The following SEMA5A variants were observed in gnomAD, a reference collection of about 807,000 sequenced individuals.
SEMA5A encodes semaphorin-5A.
Under a neutral mutation model 135.5 loss-of-function variants are expected in SEMA5A, and 55 were observed. The observed-to-expected ratio is 0.41, with a 90% CI of 0.33 to 0.51. The LOEUF is 0.51. Ranked by LOEUF, SEMA5A falls within the 20% of genes least tolerant of loss-of-function variation. The pLI is 0.37. For missense variants in SEMA5A, 1,290 were observed against 1,419.9 expected (o/e 0.91, Z 1.47); for synonymous variants, 580 against 546.5 (o/e 1.06, Z -0.85).
intron 12 of SEMA5A, among the ~76,000 whole-genome samples, chr5:9,144,301 G>T (rs1742214108): frequency 6.6e-6 from 1 of 151,978 alleles, no homozygotes; most frequent in African/African-American, 2.4e-5. Flanking sequence ...AGGGTTTAAG[G>T]GTCAACAATT....
Position 9,036,478 on chromosome 5 carries a change from GAGAAAC to G in SEMA5A, c.*6413_*6418del, listed in dbSNP as rs906671442. 5.9e-4 allele frequency: 90 copies of G among 152,292 alleles called. No homozygotes were observed. Among genetic ancestry groups the G allele is most frequent in the African/African-American group, 2.1e-3 (88 of 41,542 alleles). 9.4% of individuals were successfully genotyped at this position (152,292 alleles called of 1,614,324 possible). A position where few individuals can be genotyped will look rare whatever the true frequency, so the allele number is the denominator to read the frequency against. On this transcript the variant is annotated 3_prime_UTR_variant, in exon 23 of 23. Coordinates refer to ENST00000382496, the MANE Select transcript of SEMA5A (RefSeq NM_003966.3). ...TCCTCTATCTATGGACTTGCCTGAA[GAGAAAC>G]AGAAACAAAAACCTCTAACTTCTAT...
chr5:9,221,376 T>C (rs40674), intron 8 of SEMA5A, among the ~76,000 whole-genome samples: 59,319 of 141,778 alleles, frequency 0.42, 13,328 homozygotes, highest in East Asian at 0.54. Context: ...GATCTCGGCT[T>C]ACTGCAAGCT....
At chr5:9,205,622 A>G (rs1468602383) in intron 8 of SEMA5A, among the ~76,000 whole-genome samples, 1 of 152,192 alleles carries the variant, frequency 6.6e-6, no homozygotes, top group East Asian at 1.9e-4. Context: ...ATGTTATAAG[A>G]TCACAACGTC....
chr5:9,369,404 A>G (rs1156393455), intron 3 of SEMA5A, among the ~76,000 whole-genome samples: 2 of 152,200 alleles, frequency 1.3e-5, no homozygotes, highest in African/African-American at 2.4e-5. Context: ...ATTCTAGCTA[A>G]AAAATCTTTC....
At chr5:9,501,384 C>T (rs758026958) in intron 1 of SEMA5A, among the ~76,000 whole-genome samples, 9 of 152,230 alleles carry the variant, frequency 5.9e-5, no homozygotes, top group African/African-American at 9.6e-5. Context: ...TATGTGTCTA[C>T]GTGTGTGTGT....
intron 3 of SEMA5A, among the ~76,000 whole-genome samples, chr5:9,359,194 G>A (rs940535655): frequency 2.6e-5 from 4 of 152,158 alleles, no homozygotes; most frequent in African/African-American, 9.7e-5. Flanking sequence ...CCTGGCCTTT[G>A]CAGTGTAACA....
At chr5:9,488,176 C>T (rs550183736) in intron 1 of SEMA5A, among the ~76,000 whole-genome samples, 58 of 152,222 alleles carry the variant, frequency 3.8e-4, no homozygotes, top group Middle Eastern at 6.8e-3. Flanking sequence ...TTCTACTAAA[C>T]GCTTGCCTGT....
chr5:9,433,643 A>C (rs1757930178), intron 2 of SEMA5A, among the ~76,000 whole-genome samples: 1 of 149,228 alleles, frequency 6.7e-6, no homozygotes. Flanking sequence ...ACCTCTTCTC[A>C]GAGTAATGGC....
At chr5:9,456,526 A>T (rs1035160834) in intron 1 of SEMA5A, among the ~76,000 whole-genome samples, 4 of 152,186 alleles carry the variant, frequency 2.6e-5, no homozygotes, top group Non-Finnish European at 5.9e-5. Context: ...AATTAAGGAC[A>T]CCTGTGATTT....
In SEMA5A at chr5:9,545,226, C is replaced by T. The variant is rs1465199035; in HGVS notation, c.-175+358G>A. On this transcript the variant is annotated intron_variant, in intron 1 of 22. Coordinates refer to ENST00000382496, the MANE Select transcript of SEMA5A (RefSeq NM_003966.3). The surrounding 1 kb of genome is among the most constrained non-coding windows in gnomAD (Gnocchi z 4.5). ...TCGCGGCAGTGCGAGCCTGGAGGCG[C>T]GCCGGGGGCGGGCACAGACCAGTGT... Among the ~76,000 whole-genome samples the T allele has an allele frequency of 6.6e-6, 1 of 152,078 alleles. No homozygotes were observed. Among genetic ancestry groups the T allele is most frequent in the East Asian group, 1.9e-4 (1 of 5,132 alleles).
chr5:9,450,591 C>G (rs960700966), intron 1 of SEMA5A, among the ~76,000 whole-genome samples: 1 of 152,102 alleles, frequency 6.6e-6, no homozygotes. Context: ...CACACCTACA[C>G]CCCTCTCCAC....
intron 3 of SEMA5A, among the ~76,000 whole-genome samples, chr5:9,376,177 A>G (rs1475541540): frequency 6.6e-6 from 1 of 152,110 alleles, no homozygotes; most frequent in East Asian, 1.9e-4. Context: ...CCTCCAGATA[A>G]AGGATAAACT....
chr5:9,322,638 C>A (rs1382287189), intron 4 of SEMA5A, among the ~76,000 whole-genome samples: 2 of 152,076 alleles, frequency 1.3e-5, no homozygotes, highest in Admixed American at 6.6e-5. Context: ...AGTATATACC[C>A]TTCAATTTAT....
rs181928059 is a variant in SEMA5A, at chr5:9,410,061, G to T, written c.-78+27695C>A. Among the ~76,000 whole-genome samples, 753 of 152,154 alleles carry T rather than the reference G, an allele frequency of 4.9e-3. 4 individuals are homozygous for T. Among genetic ancestry groups the T allele is most frequent in the Non-Finnish European group, 5.4e-3 (364 of 68,000 alleles). ...TCTTTTAGCTTCTGTTTTACCATGAGAATTTCTTTTTTTAGAGACAATTAA... is the reference window on the plus strand; with the variant it reads ...TCTTTTAGCTTCTGTTTTACCATGATAATTTCTTTTTTTAGAGACAATTAA... On this transcript the variant is annotated intron_variant, in intron 2 of 22. Coordinates refer to ENST00000382496, the MANE Select transcript of SEMA5A (RefSeq NM_003966.3).
intron 10 of SEMA5A, among the ~76,000 whole-genome samples, chr5:9,191,567 T>C (rs1405626138): frequency 6.6e-6 from 1 of 152,222 alleles, no homozygotes; most frequent in Non-Finnish European, 1.5e-5. Flanking sequence ...TCATGTCTAA[T>C]ATGTGGTTTT....
At chr5:9,272,960 G>T (rs1159606259) in intron 5 of SEMA5A, among the ~76,000 whole-genome samples, 1 of 152,106 alleles carries the variant, frequency 6.6e-6, no homozygotes, top group Non-Finnish European at 1.5e-5. Flanking sequence ...TTCTCCAAAG[G>T]TTCACAACTC....
Position 9,035,755 on chromosome 5 carries a change from C to CAAAG in SEMA5A, c.*7138_*7141dup, listed in dbSNP as rs898924790. On this transcript the variant is annotated 3_prime_UTR_variant, in exon 23 of 23. Coordinates refer to ENST00000382496, the MANE Select transcript of SEMA5A (RefSeq NM_003966.3). ...GTGTGGTGTGTCCATGGCCCCCTTA[C>CAAAG]AAAGGACCCAGCAATCTACAAGTGT... is the stretch of plus-strand genomic sequence containing the variant. 4 of 152,040 alleles carry CAAAG rather than the reference C, an allele frequency of 2.6e-5. No individual in the cohort carries two copies. Among genetic ancestry groups the CAAAG allele is most frequent in the African/African-American group, 9.7e-5 (4 of 41,402 alleles). 9.4% of individuals were successfully genotyped at this position (152,040 alleles called of 1,614,324 possible). A position where few individuals can be genotyped will look rare whatever the true frequency, so the allele number is the denominator to read the frequency against.
At chr5:9,140,838 A>T (rs922879659) in intron 12 of SEMA5A, among the ~76,000 whole-genome samples, 1 of 152,136 alleles carries the variant, frequency 6.6e-6, no homozygotes, top group Non-Finnish European at 1.5e-5. Context: ...GTTAAAATTA[A>T]ACCTCCAAAA....
intron 11 of SEMA5A, among the ~76,000 whole-genome samples, chr5:9,162,560 G>GTATATATATATATATA (rs760785096): frequency 2.5e-4 from 7 of 28,016 alleles, no homozygotes; most frequent in African/African-American, 1.0e-3. Context: ...ATGTGTGTGT[G>GTATATATATATATATA]TGTGTATATA....
Sources: allele counts gnomAD v4.1 joint callset (sites outside exome capture counted in the v4.1 genomes callset), GRCh38; gene constraint gnomAD v4.1.1; non-coding constraint Gnocchi (gnomAD v3.1); transcripts MANE v1.5; gene names NCBI Gene and HGNC (gene_info 2026-07-23, HGNC 2026-07-21).